The following KLHL32 variants were observed in gnomAD, a reference collection of about 807,000 sequenced individuals.
KLHL32 encodes the protein kelch-like protein 32.
KLHL32 carries 35 observed loss-of-function variants against 64.8 expected under a neutral mutation model. The observed-to-expected ratio is 0.54, with a 90% CI of 0.41 to 0.72. The LOEUF (loss-of-function observed/expected upper bound fraction) is 0.72. Ranked by LOEUF, KLHL32 falls within the 30% of genes least tolerant of loss-of-function variation. KLHL32 has a pLI of 0.00. For synonymous variants in KLHL32, 259 were observed against 281.0 expected (o/e 0.92, Z 0.78); for missense variants, 589 against 768.5 (o/e 0.77, Z 2.76).
At chr6:97,041,848 A>G (rs1407521941) in intron 4 of KLHL32, among the ~76,000 whole-genome samples, 1 of 152,202 alleles carries the variant, frequency 6.6e-6, no homozygotes, top group Non-Finnish European at 1.5e-5. Flanking sequence ...TAATTTTTTG[A>G]ATATCTTAAA....
At chr6:97,118,638 T>C (rs1177212322) in intron 7 of KLHL32, among the ~76,000 whole-genome samples, 4 of 79,500 alleles carry the variant, frequency 5.0e-5, no homozygotes, top group African/African-American at 2.8e-4. Context: ...AAAAAAAGAA[T>C]TGTAGACAAA....
chr6:97,006,273 C>G (rs1383463416), intron 3 of KLHL32, among the ~76,000 whole-genome samples: 2 of 152,026 alleles, frequency 1.3e-5, no homozygotes, highest in Non-Finnish European at 2.9e-5. Context: ...TCTTCTTTGT[C>G]TTTTTAAATT....
chr6:96,964,432 T>A (rs1774211987), intron 1 of KLHL32, among the ~76,000 whole-genome samples: 1 of 152,166 alleles, frequency 6.6e-6, no homozygotes, highest in Admixed American at 6.5e-5. Flanking sequence ...GATGGGTGGA[T>A]CACAAGGTCA....
chr6:97,058,462 C>T (rs1438581994), intron 4 of KLHL32, among the ~76,000 whole-genome samples: 4 of 152,148 alleles, frequency 2.6e-5, no homozygotes, highest in Non-Finnish European at 4.4e-5. Flanking sequence ...TGCTAAGTCC[C>T]ATGGCTAATG....
upstream of KLHL32, chr6:96,924,473 G>A (rs1562159958): frequency 6.7e-6 from 1 of 149,984 alleles, no homozygotes; most frequent in Non-Finnish European, 1.5e-5. Context: ...GACGGCGGGG[G>A]CGGGGGCGGG....
Position 97,139,596 on chromosome 6 carries a change from T to C in KLHL32, c.*314T>C. 1 of 206,574 alleles carries C rather than the reference T, an allele frequency of 4.8e-6. No individual in the cohort carries two copies. The allele number at this position is 206,574 out of a possible 1,614,324, so 12.8% of individuals were successfully genotyped here. A position where few individuals can be genotyped will look rare whatever the true frequency, so the allele number is the denominator to read the frequency against. ...TAATCAGCACTGTCTTAAGACAACATAACACTGTTAGTAAGGCAATTTATT... is the reference window on the plus strand; with the variant it reads ...TAATCAGCACTGTCTTAAGACAACACAACACTGTTAGTAAGGCAATTTATT... On this transcript the variant is annotated 3_prime_UTR_variant, in exon 11 of 11. Transcript: ENST00000369261.
At chr6:97,104,830 T>C (rs1796192405) in intron 6 of KLHL32, among the ~76,000 whole-genome samples, 1 of 152,236 alleles carries the variant, frequency 6.6e-6, no homozygotes, top group African/African-American at 2.4e-5. Flanking sequence ...GCGTCCCTAG[T>C]TTCTGGTGCT....
In KLHL32 at chr6:97,114,078, G is replaced by A. The variant is rs1469633500; in HGVS notation, c.923G>A (p.Arg308Gln). 5.0e-6 allele frequency: 8 copies of A among 1,614,072 alleles called. No homozygotes were observed. The Admixed American group carries it at 6.7e-5, about 13-fold the overall frequency. Residue 308 changes from arginine (R) to glutamine (Q), a missense_variant, in exon 7 of 11, where the codon CGG becomes CAG. Transcript: ENST00000369261. Reference sequence around the variant, plus strand: ...GAGGTCTGCAAGGTCAAGGAACTTCGGTACTTCAATCCTGTTGATCAGGAG... The same window carrying A: ...GAGGTCTGCAAGGTCAAGGAACTTCAGTACTTCAATCCTGTTGATCAGGAG... ...KREVCKVKELRYFNPVDQENA... is the reference protein window; with the variant it reads ...KREVCKVKELQYFNPVDQENA...
chr6:97,131,252 G>A (rs1306500629), intron 9 of KLHL32, among the ~76,000 whole-genome samples: 2 of 152,114 alleles, frequency 1.3e-5, no homozygotes, highest in East Asian at 1.9e-4. Context: ...ACAAGTAGGA[G>A]GAACCAGACA....
intron 6 of KLHL32, among the ~76,000 whole-genome samples, chr6:97,108,174 C>G (rs1205247200): frequency 2.0e-5 from 3 of 152,198 alleles, no homozygotes; most frequent in Non-Finnish European, 4.4e-5. Context: ...CTTTTCCACT[C>G]TTGCTGGCTT....
intron 1 of KLHL32, among the ~76,000 whole-genome samples, chr6:96,931,672 C>G (rs1769909466): frequency 6.6e-6 from 1 of 151,976 alleles, no homozygotes; most frequent in African/African-American, 2.4e-5. Flanking sequence ...ATAAGAAAGA[C>G]AAGTTTAGTG....
chr6:96,959,898 T>G (rs1038185542), intron 1 of KLHL32, among the ~76,000 whole-genome samples: 1 of 152,252 alleles, frequency 6.6e-6, no homozygotes, highest in African/African-American at 2.4e-5. Context: ...AAACTTCCTT[T>G]GTACTGTTGG....
At position 97,139,121 on chromosome 6, in the gene KLHL32, G is replaced by A; in HGVS notation, c.1702G>A (p.Val568Ile). The A allele has an allele frequency of 1.2e-6, 2 of 1,612,214 alleles. No individual in the cohort carries two copies. Among genetic ancestry groups the A allele is most frequent in the Non-Finnish European group, 8.5e-7 (1 of 1,179,240 alleles). The change falls in exon 11 of 11, where the codon GTA becomes ATA. Residue 568 changes from valine (V) to isoleucine (I), a missense_variant and splice_region_variant. Physicochemically the swap from Val to Ile is conservative, Grantham distance 29 (BLOSUM62 3). Around this residue, in one of 3 missense-constraint regions of KLHL32, gnomAD observed 172 missense variants for 192.0 expected, o/e 0.90. Coordinates refer to ENST00000369261, the MANE Select transcript of KLHL32 (RefSeq NM_052904.4). Reference protein sequence around the residue: ...WTNEPLACIQVLDVSREGKEE... With the variant: ...WTNEPLACIQILDVSREGKEE... ...AGCTTCTTCTCTTCCTCTTTTGTAG[G>A]TACTGGATGTAAGCAGAGAAGGCAA...
At chr6:96,990,919 A>G (rs556538416) in intron 3 of KLHL32, among the ~76,000 whole-genome samples, 1 of 152,096 alleles carries the variant, frequency 6.6e-6, no homozygotes, top group Non-Finnish European at 1.5e-5. Context: ...GGGAAGTACC[A>G]CTGCAGTGGC....
chr6:96,922,319 T>C (rs1205039739), upstream of KLHL32, among the ~76,000 whole-genome samples: 1 of 152,130 alleles, frequency 6.6e-6, no homozygotes, highest in Non-Finnish European at 1.5e-5. Flanking sequence ...TCTCATAACA[T>C]TCCTGTCCTG....
intron 1 of KLHL32, among the ~76,000 whole-genome samples, chr6:96,966,120 TTCC>T (rs1197683419): frequency 1.3e-5 from 2 of 152,200 alleles, no homozygotes; most frequent in Admixed American, 1.3e-4. Context: ...CATAAGCACT[TTCC>T]TCCTGTTATT....
intron 6 of KLHL32, among the ~76,000 whole-genome samples, chr6:97,094,865 G>A (rs1794757700): frequency 6.6e-6 from 1 of 152,194 alleles, no homozygotes; most frequent in South Asian, 2.1e-4. Context: ...GTGTGTTCTT[G>A]TTGATGAGGA....
intron 3 of KLHL32, among the ~76,000 whole-genome samples, chr6:96,989,690 A>G (rs1442096152): frequency 6.6e-6 from 1 of 151,988 alleles, no homozygotes; most frequent in East Asian, 1.9e-4. Context: ...ATCCTCAAAT[A>G]TGTTTTCCAA....
intron 6 of KLHL32, among the ~76,000 whole-genome samples, chr6:97,086,369 G>A (rs1448160806): frequency 6.6e-6 from 1 of 152,086 alleles, no homozygotes; most frequent in Non-Finnish European, 1.5e-5. Flanking sequence ...CATTATTTGT[G>A]TTACTTTAAT....
Sources: allele counts gnomAD v4.1 joint callset (sites outside exome capture counted in the v4.1 genomes callset), GRCh38; gene constraint gnomAD v4.1.1; regional missense constraint gnomAD v4.1.1; transcripts MANE v1.5; gene names NCBI Gene and HGNC (gene_info 2026-07-23, HGNC 2026-07-21).